Variants in KIFAP3 observed in about 807,000 individuals in gnomAD.
KIFAP3 encodes kinesin associated protein 3, also known as kinesin-associated protein 3.
In KIFAP3, 68 loss-of-function variants were observed where a neutral mutation model predicts 106.5. That is an observed-to-expected ratio of 0.64 (90% CI 0.53 to 0.78). The LOEUF (loss-of-function observed/expected upper bound fraction) is 0.78, where lower values mean the gene tolerates loss of function less well. KIFAP3 is among the 30% of genes least tolerant of loss of function. KIFAP3 has a pLI of 0.00. For synonymous variants in KIFAP3, 320 were observed against 311.5 expected (o/e 1.03, Z -0.29); for missense variants, 780 against 941.8 (o/e 0.83, Z 2.25).
intron 9 of KIFAP3, 104 bp downstream of exon 9, chr1:170,024,314 C>G: frequency 1.6e-6 from 1 of 644,926 alleles, no homozygotes; most frequent in East Asian, 3.0e-5. Context: ...AATCTTTATT[C>G]AGAATTATCT....
chr1:169,991,245 G>C (rs567230126), intron 11 of KIFAP3, among the ~76,000 whole-genome samples: 1 of 151,998 alleles, frequency 6.6e-6, no homozygotes, highest in Admixed American at 6.6e-5. Context: ...TACCCAGGAG[G>C]CTGAGGCAGG....
intron 10 of KIFAP3, among the ~76,000 whole-genome samples, chr1:170,009,931 C>G (rs964393320): frequency 2.0e-5 from 3 of 152,122 alleles, no homozygotes; most frequent in Admixed American, 6.6e-5. Context: ...AAGACTGCAT[C>G]TAACAATTAA....
chr1:170,079,929 A>G (rs1170951862), intron 1 of KIFAP3, among the ~76,000 whole-genome samples: 5 of 152,030 alleles, frequency 3.3e-5, no homozygotes, highest in Non-Finnish European at 7.4e-5. Flanking sequence ...ATTTATTTGA[A>G]TAATTTTGGT....
At chr1:170,008,046 T>C (rs1668060487) in intron 10 of KIFAP3, among the ~76,000 whole-genome samples, 1 of 151,984 alleles carries the variant, frequency 6.6e-6, no homozygotes, top group East Asian at 1.9e-4. Flanking sequence ...TAAATGGTGT[T>C]GGGAAAACTG....
intron 1 of KIFAP3, among the ~76,000 whole-genome samples, chr1:170,071,213 G>A (rs1671688925): frequency 6.6e-6 from 1 of 152,094 alleles, no homozygotes; most frequent in African/African-American, 2.4e-5. Context: ...TTACCATATG[G>A]TCTGGCAATT....
At chr1:169,933,530 A>G (rs1558174281) in intron 19 of KIFAP3, among the ~76,000 whole-genome samples, 2 of 152,052 alleles carry the variant, frequency 1.3e-5, no homozygotes, top group Admixed American at 6.6e-5. Context: ...TGGTATTTCT[A>G]TATCATCTTC....
intron 10 of KIFAP3, among the ~76,000 whole-genome samples, chr1:170,008,314 T>C (rs564513987): frequency 2.6e-5 from 4 of 151,512 alleles, no homozygotes; most frequent in Non-Finnish European, 4.4e-5. Context: ...AAAGAAACTA[T>C]CATCAGAGTG....
intron 3 of KIFAP3, among the ~76,000 whole-genome samples, chr1:170,046,285 A>T (rs1299631198): frequency 6.6e-6 from 1 of 150,856 alleles, no homozygotes; most frequent in African/African-American, 2.4e-5. Context: ...AGTCTAAGGC[A>T]TATGATATAT....
chr1:169,986,476 A>G (rs1666835391), intron 11 of KIFAP3, among the ~76,000 whole-genome samples: 1 of 151,952 alleles, frequency 6.6e-6, no homozygotes, highest in African/African-American at 2.4e-5. Flanking sequence ...ATTACCACTG[A>G]TAGTATCTCT....
At chr1:170,009,084 T>A (rs1668116820) in intron 10 of KIFAP3, among the ~76,000 whole-genome samples, 1 of 151,140 alleles carries the variant, frequency 6.6e-6, no homozygotes, top group East Asian at 1.9e-4. Context: ...CACATGGACA[T>A]CACACACCAG....
chr1:170,009,809 T>C (rs1482580332), intron 10 of KIFAP3, among the ~76,000 whole-genome samples: 1 of 152,166 alleles, frequency 6.6e-6, no homozygotes, highest in Non-Finnish European at 1.5e-5. Context: ...CAATGTCAAA[T>C]GGCTTAATAA....
chr1:170,026,338 T>C (rs977487673), intron 8 of KIFAP3, among the ~76,000 whole-genome samples: 2 of 152,156 alleles, frequency 1.3e-5, no homozygotes, highest in Non-Finnish European at 2.9e-5. Flanking sequence ...AACCTTTGCC[T>C]GACAACACCA....
chr1:169,941,208 A>G (rs991986822), intron 19 of KIFAP3, among the ~76,000 whole-genome samples: 1 of 152,194 alleles, frequency 6.6e-6, no homozygotes, highest in African/African-American at 2.4e-5. Context: ...CTACATTTTG[A>G]AAGTTCAACA....
intron 19 of KIFAP3, among the ~76,000 whole-genome samples, chr1:169,925,339 T>G (rs1024289308): frequency 1.3e-5 from 2 of 152,050 alleles, no homozygotes; most frequent in Admixed American, 6.6e-5. Context: ...AAAAGATAAC[T>G]AGGAATGATA....
intron 6 of KIFAP3, among the ~76,000 whole-genome samples, chr1:170,034,918 C>T (rs1292009636): frequency 6.6e-6 from 1 of 151,852 alleles, no homozygotes; most frequent in Non-Finnish European, 1.5e-5. Context: ...ATACATTAAT[C>T]CAAGTATTTA....
At chr1:169,960,482 A>C (rs1354940523) in intron 18 of KIFAP3, among the ~76,000 whole-genome samples, 1 of 152,142 alleles carries the variant, frequency 6.6e-6, no homozygotes, top group East Asian at 1.9e-4. Context: ...ATGCAGAATC[A>C]AAAAGGTTAT....
chr1:169,952,162 A>G (rs563061466), intron 19 of KIFAP3, among the ~76,000 whole-genome samples: 1 of 152,108 alleles, frequency 6.6e-6, no homozygotes, highest in African/African-American at 2.4e-5. Flanking sequence ...ACAATCTAGT[A>G]CACAGATGAA....
intron 19 of KIFAP3, among the ~76,000 whole-genome samples, chr1:169,953,776 A>T (rs1037719249): frequency 6.6e-6 from 1 of 152,180 alleles, no homozygotes; most frequent in Non-Finnish European, 1.5e-5. Flanking sequence ...GGCCTCCCAA[A>T]GTGCTGGGAT....
chr1:169,952,791 C>T (rs768571070), intron 19 of KIFAP3, among the ~76,000 whole-genome samples: 25 of 151,860 alleles, frequency 1.6e-4, no homozygotes, highest in Non-Finnish European at 3.5e-4. Flanking sequence ...AAAATATATA[C>T]GATGAATATT....
Sources: allele counts gnomAD v4.1 joint callset (sites outside exome capture counted in the v4.1 genomes callset), GRCh38; gene constraint gnomAD v4.1.1; transcripts MANE v1.5; gene names NCBI Gene and HGNC (gene_info 2026-07-23, HGNC 2026-07-21).